The following PHLPP1 variants were observed in gnomAD, a reference collection of about 807,000 sequenced individuals.
The protein encoded by PHLPP1 is PH domain leucine-rich repeat-containing protein phosphatase 1.
PHLPP1 carries 42 observed loss-of-function variants against 117.2 expected under a neutral mutation model. The ratio of observed to expected loss-of-function variants is 0.36; its 90% CI spans 0.28 to 0.46. The LOEUF (loss-of-function observed/expected upper bound fraction) is 0.46, where lower values mean the gene tolerates loss of function less well. Ranked by LOEUF, PHLPP1 falls within the 20% of genes least tolerant of loss-of-function variation. The probability of loss-of-function intolerance (pLI) is 1.00; values close to 1 mark genes in which losing one functional copy is unlikely to be tolerated. For missense variants in PHLPP1, 2,084 were observed against 2,241.9 expected (o/e 0.93, Z 1.42); for synonymous variants, 1,042 against 970.7 (o/e 1.07, Z -1.37).
At chr18:62,884,376 C>G (rs1380273347) in intron 4 of PHLPP1, among the ~76,000 whole-genome samples, 2 of 152,158 alleles carry the variant, frequency 1.3e-5, no homozygotes, top group African/African-American at 4.8e-5. Flanking sequence ...TTATGTGCTT[C>G]TATAGTTGGA....
chr18:62,799,890 A>G (rs1407076862), intron 1 of PHLPP1, among the ~76,000 whole-genome samples: 4 of 152,250 alleles, frequency 2.6e-5, no homozygotes, highest in African/African-American at 9.6e-5. Context: ...TCAACAGGAA[A>G]TAGCACACTT....
Position 62,761,632 on chromosome 18 carries a change from C to CA in PHLPP1, c.1576+44382dup, listed in dbSNP as rs1027407580. Among the ~76,000 whole-genome samples, 20 of 98,832 alleles carry CA rather than the reference C, an allele frequency of 2.0e-4. No individual in the cohort carries two copies. The East Asian group carries it at 2.4e-3, about 12-fold the overall frequency. The allele number at this position is 98,832 out of a possible 152,430, so 64.8% of individuals were successfully genotyped here. A position where few individuals can be genotyped will look rare whatever the true frequency, so the allele number is the denominator to read the frequency against. ...TGGGTGACAGAGCGAGACTCCGTCT[C>CA]AAAAAAAAATAAATAAAAATAAAAA... On this transcript the variant is annotated intron_variant, in intron 1 of 16. Transcript: ENST00000262719.
In PHLPP1 at chr18:62,979,587, G is replaced by T; in HGVS notation, c.*156G>T. The stretch of plus-strand genomic sequence containing the variant: ...GCTAATCTGTAGGTTCTCTTTCTTT[G>T]GGTTATTTTTTTAAGTAATCACCAC... On this transcript the variant is annotated 3_prime_UTR_variant, in exon 17 of 17. Coordinates refer to ENST00000262719, the MANE Select transcript of PHLPP1 (RefSeq NM_194449.4). The T allele has an allele frequency of 1.2e-6, 1 of 806,938 alleles. No homozygotes were observed. Among genetic ancestry groups the T allele is most frequent in the Non-Finnish European group, 1.9e-6 (1 of 523,548 alleles). The allele number at this position is 806,938 out of a possible 1,614,324, so 50.0% of individuals were successfully genotyped here.
Position 62,893,412 on chromosome 18 carries a change from A to C in PHLPP1, c.2067-1599A>C, listed in dbSNP as rs1034681155. On this transcript the variant is annotated intron_variant, in intron 4 of 16. Coordinates refer to ENST00000262719, the MANE Select transcript of PHLPP1 (RefSeq NM_194449.4). ...AAACAGTTTAAAAACGATTATCCAG[A>C]TTTAGGAATAATTCTTCCCTAAGTG... 7.0e-4 allele frequency among the ~76,000 whole-genome samples: 107 copies of C among 152,334 alleles called. 2 individuals are homozygous for C. The highest frequency in any genetic ancestry group is 1.3e-4 in the Non-Finnish European group (9 of 68,032).
intron 3 of PHLPP1, among the ~76,000 whole-genome samples, chr18:62,853,166 T>C (rs1027616505): frequency 2.0e-5 from 3 of 152,132 alleles, no homozygotes; most frequent in Non-Finnish European, 4.4e-5. Flanking sequence ...AGGAAATATT[T>C]TGAGGACCAA....
chr18:62,743,584 A>G (rs1911593732), intron 1 of PHLPP1, among the ~76,000 whole-genome samples: 1 of 152,206 alleles, frequency 6.6e-6, no homozygotes, highest in East Asian at 1.9e-4. Flanking sequence ...TTTTCTTAAA[A>G]ATTAACACTA....
At chr18:62,749,179 A>G (rs1911768189) in intron 1 of PHLPP1, among the ~76,000 whole-genome samples, 1 of 150,990 alleles carries the variant, frequency 6.6e-6, no homozygotes, top group African/African-American at 2.4e-5. Context: ...TGGTCGGCAC[A>G]TGTTCAGATT....
chr18:62,758,985 T>C (rs1912122169), intron 1 of PHLPP1, among the ~76,000 whole-genome samples: 1 of 152,372 alleles, frequency 6.6e-6, no homozygotes, highest in East Asian at 1.9e-4. Context: ...TGTGATGTTC[T>C]GGAGTCAAAA....
At chr18:62,931,026 TAAAAAAGAAAATACAA>T (rs1445735061) in intron 10 of PHLPP1, among the ~76,000 whole-genome samples, 1 of 151,700 alleles carries the variant, frequency 6.6e-6, no homozygotes, top group Non-Finnish European at 1.5e-5. Context: ...CCATCTCTAC[TAAAAAAGAAAATACAA>T]AAAAATTAGC....
intron 1 of PHLPP1, among the ~76,000 whole-genome samples, chr18:62,726,137 C>T (rs777422266): frequency 3.3e-5 from 5 of 151,954 alleles, no homozygotes; most frequent in African/African-American, 4.8e-5. Flanking sequence ...CACACACACA[C>T]GCATGTTCTC....
chr18:62,758,600 G>A (rs546794536), intron 1 of PHLPP1, among the ~76,000 whole-genome samples: 60 of 152,326 alleles, frequency 3.9e-4, no homozygotes, highest in African/African-American at 1.4e-3. Flanking sequence ...ACTAGGTACT[G>A]TTGAGTGGAT....
intron 1 of PHLPP1, among the ~76,000 whole-genome samples, chr18:62,786,769 A>G (rs1258485009): frequency 6.6e-6 from 1 of 152,208 alleles, no homozygotes; most frequent in Non-Finnish European, 1.5e-5. Context: ...CTGCTCTGTG[A>G]ACTGCCTCTT....
At chr18:62,772,319 A>G (rs1367285379) in intron 1 of PHLPP1, among the ~76,000 whole-genome samples, 2 of 152,132 alleles carry the variant, frequency 1.3e-5, no homozygotes, top group Non-Finnish European at 2.9e-5. Flanking sequence ...GGAAAATAGG[A>G]TTCCATTTTT....
At chr18:62,975,341 C>T in intron 15 of PHLPP1, 56 bp from the exon 16 acceptor site, 5 of 1,237,392 alleles carry the variant, frequency 4.0e-6, no homozygotes, top group Non-Finnish European at 5.9e-6. Flanking sequence ...GTTGAATTTG[C>T]AGAACTGGCA....
intron 1 of PHLPP1, among the ~76,000 whole-genome samples, chr18:62,766,076 A>AAAAATATATATATATATATATATAT: frequency 2.3e-4 from 5 of 21,656 alleles, no homozygotes; most frequent in Non-Finnish European, 4.2e-4. Context: ...AAAAAAAAAA[A>AAAAATATATATATATATATATATAT]ATATATATAT....
chr18:62,916,695 G>A (rs1402332192), intron 9 of PHLPP1, among the ~76,000 whole-genome samples: 5 of 137,302 alleles, frequency 3.6e-5, no homozygotes, highest in South Asian at 4.7e-4. Flanking sequence ...AAAATAATTC[G>A]TTGAAAAAAA....
intron 2 of PHLPP1, chr18:62,838,326 A>C (rs1430813245): frequency 6.5e-6 from 1 of 152,768 alleles, no homozygotes; most frequent in African/African-American, 2.4e-5. Flanking sequence ...ATTTCACTGC[A>C]TCATTAGGAC....
chr18:62,717,032 C>T lies in PHLPP1; in HGVS notation c.1349C>T (p.Ser450Phe), dbSNP rs557390228. The change falls in exon 1 of 17, where the codon TCT becomes TTT. Residue 450 changes from serine to phenylalanine, a missense_variant. Ser to Phe is a radical substitution (Grantham distance 155). Transcript: ENST00000262719. ...AAAVAPGGLQ[S>F]TPGRSGVTAE... ...GCCGTGGCCCCGGGAGGCCTCCAGT[C>T]TACCCCCGGGAGGAGCGGGGTGACC... The T allele has an allele frequency of 1.0e-5, 16 of 1,545,856 alleles. No individual in the cohort carries two copies. Among genetic ancestry groups the T allele is most frequent in the South Asian group, 3.6e-5 (3 of 83,852 alleles).
chr18:62,887,640 A>C (rs1352922438), intron 4 of PHLPP1, among the ~76,000 whole-genome samples: 1 of 152,256 alleles, frequency 6.6e-6, no homozygotes, highest in African/African-American at 2.4e-5. Context: ...TTGTAAGGAC[A>C]AACCCTCATG....
Sources: gnomAD v4.1 joint callset for allele counts (sites outside exome capture counted in the v4.1 genomes callset) on GRCh38, gnomAD v4.1.1 for gene constraint, MANE v1.5 for transcripts, NCBI Gene and HGNC (gene_info 2026-07-23, HGNC 2026-07-21) for gene names.